Variants in DCAF6 observed in about 807,000 individuals in gnomAD.
DCAF6 encodes the protein DDB1- and CUL4-associated factor 6.
DCAF6 carries 54 observed loss-of-function variants against 125.1 expected under a neutral mutation model. The observed-to-expected ratio is 0.43, with a 90% confidence interval of 0.35 to 0.54. The LOEUF is 0.54. DCAF6 is among the 20% of genes least tolerant of loss of function. The pLI is 0.01. For synonymous variants in DCAF6, 371 were observed against 390.4 expected (o/e 0.95, Z 0.58); for missense variants, 934 against 1,161.7 (o/e 0.80, Z 2.85).
intron 17 of DCAF6, among the ~76,000 whole-genome samples, chr1:168,051,546 A>G (rs982235800): frequency 5.3e-5 from 8 of 152,248 alleles, no homozygotes; most frequent in Non-Finnish European, 8.8e-5. Flanking sequence ...TTTGCTGACA[A>G]AATCAACCTT....
At chr1:167,884,628 C>G in the DCAF6 span, among the ~76,000 whole-genome samples, 1 of 152,094 alleles carries the variant, frequency 6.6e-6, no homozygotes, top group African/African-American at 2.4e-5. Context: ...CCTCATCCCC[C>G]ACTACCCTTC....
the DCAF6 span, chr1:167,880,184 A>T: frequency 1.9e-6 from 3 of 1,612,846 alleles, no homozygotes; most frequent in Non-Finnish European, 2.5e-6. Flanking sequence ...ACACCGATGG[A>T]TACAGTTCTG....
At chr1:167,867,379 T>C in the DCAF6 span, among the ~76,000 whole-genome samples, 1,042 of 152,284 alleles carry the variant, frequency 6.8e-3, 9 homozygotes, top group Admixed American at 0.011. Context: ...TTTGGACTTG[T>C]ACAGTAAGGA....
chr1:167,942,847 T>A (rs1479611781), intron 1 of DCAF6, among the ~76,000 whole-genome samples: 1 of 152,116 alleles, frequency 6.6e-6, no homozygotes, highest in Non-Finnish European at 1.5e-5. Context: ...CTAGCCACAT[T>A]CCATTGATCT....
intron 7 of DCAF6, among the ~76,000 whole-genome samples, chr1:167,996,911 C>A (rs927734880): frequency 5.3e-5 from 8 of 152,126 alleles, no homozygotes; most frequent in Non-Finnish European, 1.2e-4. Context: ...AAAATCACGG[C>A]CTTTAACTGA....
At chr1:167,939,999 T>C (rs749894234) in intron 1 of DCAF6, among the ~76,000 whole-genome samples, 34 of 152,154 alleles carry the variant, frequency 2.2e-4, no homozygotes, top group Non-Finnish European at 4.6e-4. Context: ...AATAGTAAAA[T>C]TGGGATAGAA....
chr1:168,063,915 T>A, intron 18 of DCAF6, 156 bp downstream of exon 18: 1 of 620,840 alleles, frequency 1.6e-6, no homozygotes, highest in African/African-American at 2.0e-5. Flanking sequence ...CTTTTAGCCC[T>A]ATAATATATT....
chr1:167,867,670 TA>T, the DCAF6 span, among the ~76,000 whole-genome samples: 1 of 151,818 alleles, frequency 6.6e-6, no homozygotes, highest in African/African-American at 2.4e-5. Flanking sequence ...AGTAAAGTAA[TA>T]GCTAAGACAG....
At chr1:168,009,345 C>CCCTT (rs199573600) in intron 10 of DCAF6, among the ~76,000 whole-genome samples, 3,297 of 127,850 alleles carry the variant, frequency 0.026, 54 homozygotes, top group Non-Finnish European at 0.029. Flanking sequence ...CTTCCTTCCT[C>CCCTT]CCTTCCTTCC....
chr1:167,898,383 G>A, the DCAF6 span, among the ~76,000 whole-genome samples: 4 of 152,004 alleles, frequency 2.6e-5, no homozygotes, highest in South Asian at 4.2e-4. Flanking sequence ...GGTGGATCAC[G>A]AAGTCAGGAG....
chr1:168,010,156 T>C (rs1220167056), intron 10 of DCAF6, among the ~76,000 whole-genome samples: 1 of 152,194 alleles, frequency 6.6e-6, no homozygotes, highest in African/African-American at 2.4e-5. Context: ...ATCCATTGTT[T>C]GCCTTTGACT....
At chr1:167,888,605 G>T in the DCAF6 span, among the ~76,000 whole-genome samples, 1 of 151,920 alleles carries the variant, frequency 6.6e-6, no homozygotes, top group Non-Finnish European at 1.5e-5. Flanking sequence ...GGCCGGGCGC[G>T]GTGGCTCACG....
At chr1:168,039,694 T>C (rs1688264197) in intron 13 of DCAF6, among the ~76,000 whole-genome samples, 1 of 147,588 alleles carries the variant, frequency 6.8e-6, no homozygotes, top group Admixed American at 6.8e-5. Flanking sequence ...ATATATTAAA[T>C]ATTTAATTGT....
the DCAF6 span, among the ~76,000 whole-genome samples, chr1:167,874,701 A>G: frequency 1.6e-3 from 239 of 152,352 alleles, no homozygotes; most frequent in Non-Finnish European, 2.9e-3. Flanking sequence ...AGAACCAAAA[A>G]CTGGAAATAA....
chr1:168,026,872 G>A (rs1258157732), intron 12 of DCAF6, among the ~76,000 whole-genome samples: 1 of 152,040 alleles, frequency 6.6e-6, no homozygotes, highest in Admixed American at 6.5e-5. Flanking sequence ...GAAACCATGG[G>A]AGTGGATGAG....
intron 1 of DCAF6, among the ~76,000 whole-genome samples, chr1:167,950,751 G>C (rs1673799859): frequency 6.6e-6 from 1 of 152,116 alleles, no homozygotes; most frequent in Non-Finnish European, 1.5e-5. Flanking sequence ...TTTCATTACA[G>C]CTTCTGAATA....
intron 21 of DCAF6, among the ~76,000 whole-genome samples, chr1:168,072,293 C>CAAAA (rs1693161151): frequency 3.5e-5 from 1 of 28,610 alleles, no homozygotes; most frequent in African/African-American, 2.1e-4. Context: ...GAGAATCAGT[C>CAAAA]TAAAAAAAAA....
chr1:167,882,798 T>C, the DCAF6 span, among the ~76,000 whole-genome samples: 1 of 152,166 alleles, frequency 6.6e-6, no homozygotes, highest in South Asian at 2.1e-4. Context: ...TCCCCCTTAC[T>C]AGCTTGATGA....
At chr1:167,950,725 T>C (rs202273) in intron 1 of DCAF6, among the ~76,000 whole-genome samples, 65,403 of 152,070 alleles carry the variant, frequency 0.43, 15,427 homozygotes, top group African/African-American at 0.62. Context: ...TGTTCTTTGT[T>C]GTAAATTCAG....
Sources: gnomAD v4.1 joint callset for allele counts (sites outside exome capture counted in the v4.1 genomes callset) on GRCh38, gnomAD v4.1.1 for gene constraint, MANE v1.5 for transcripts, NCBI Gene and HGNC (gene_info 2026-07-23, HGNC 2026-07-21) for gene names.